KIAA1549L: variants seen among roughly 807,000 people sequenced by gnomAD.
KIAA1549L encodes UPF0606 protein KIAA1549L.
Under a neutral mutation model 160.7 loss-of-function variants are expected in KIAA1549L, and 88 were observed. That is an observed-to-expected ratio of 0.55 (90% CI 0.46 to 0.65). The LOEUF is 0.65. Among genes scored for constraint, KIAA1549L ranks in the 30% least tolerant of loss-of-function variants. The pLI, the probability that KIAA1549L is intolerant of heterozygous loss-of-function variation, is 0.00. For missense variants in KIAA1549L, 2,258 were observed against 2,437.5 expected, an observed-to-expected ratio of 0.93 and a Z score of 1.55; for synonymous variants, 950 against 976.7, an observed-to-expected ratio of 0.97 and a Z score of 0.51.
At chr11:33,665,917 G>A (rs1852433450) in intron 20 of KIAA1549L, among the ~76,000 whole-genome samples, 1 of 152,128 alleles carries the variant, frequency 6.6e-6, no homozygotes, top group Non-Finnish European at 1.5e-5. Flanking sequence ...CCAGTCTTGT[G>A]CCTGGGAGGG....
chr11:33,399,591 T>C (rs1269700702), intron 1 of KIAA1549L, among the ~76,000 whole-genome samples: 1 of 152,198 alleles, frequency 6.6e-6, no homozygotes. Flanking sequence ...TGGTGGAATG[T>C]CATCCAAAGG....
At chr11:33,568,040 C>A in intron 8 of KIAA1549L, 36 bp from the exon 9 acceptor site, 1 of 1,551,892 alleles carries the variant, frequency 6.4e-7, no homozygotes, top group Non-Finnish European at 8.7e-7. Context: ...AGAAAGTCTG[C>A]CTTCTGAGCC....
At chr11:33,572,281 C>A (rs184234155) in intron 9 of KIAA1549L, among the ~76,000 whole-genome samples, 4 of 152,252 alleles carry the variant, frequency 2.6e-5, no homozygotes, top group Admixed American at 2.6e-4. Context: ...AAGTGATCTA[C>A]CCACCTTGGC....
At chr11:33,410,879 C>T (rs368865667) in intron 1 of KIAA1549L, among the ~76,000 whole-genome samples, 5 of 152,252 alleles carry the variant, frequency 3.3e-5, no homozygotes, top group African/African-American at 1.2e-4. Context: ...ATTTGGAAGC[C>T]AGGAGGAAGA....
At chr11:33,502,539 G>C (rs1194048847) in intron 1 of KIAA1549L, among the ~76,000 whole-genome samples, 1 of 152,170 alleles carries the variant, frequency 6.6e-6, no homozygotes, top group Non-Finnish European at 1.5e-5. Context: ...ATTTGTCCTG[G>C]AGTTTCAGTG....
At chr11:33,637,630 T>C (rs1248903087) in intron 16 of KIAA1549L, among the ~76,000 whole-genome samples, 3 of 152,214 alleles carry the variant, frequency 2.0e-5, no homozygotes, top group African/African-American at 4.8e-5. Context: ...AAAGTGTTGG[T>C]AGGATTGGTT....
intron 17 of KIAA1549L, among the ~76,000 whole-genome samples, chr11:33,649,216 A>G (rs2133413807): frequency 6.6e-6 from 1 of 152,178 alleles, no homozygotes; most frequent in Middle Eastern, 3.4e-3. Context: ...ATCTTCTTAT[A>G]AGGAAGCTTA....
At chr11:33,554,862 C>G (rs550192451) in intron 6 of KIAA1549L, among the ~76,000 whole-genome samples, 1 of 152,276 alleles carries the variant, frequency 6.6e-6, no homozygotes, top group East Asian at 1.9e-4. Context: ...CTTTCTGTTC[C>G]ATCAGCCTAT....
intron 1 of KIAA1549L, among the ~76,000 whole-genome samples, chr11:33,477,631 A>G (rs112390653): frequency 0.029 from 4,455 of 152,012 alleles, 124 homozygotes; most frequent in South Asian, 0.09. Flanking sequence ...TTTGGGAATC[A>G]CTGGGTGCTG....
At chr11:33,565,440 C>T (rs1372323418) in intron 8 of KIAA1549L, among the ~76,000 whole-genome samples, 1 of 152,160 alleles carries the variant, frequency 6.6e-6, no homozygotes, top group Non-Finnish European at 1.5e-5. Context: ...AACAGTGACA[C>T]GATCAGTAGT....
At chr11:33,650,401 A>G (rs1263602840) in intron 17 of KIAA1549L, among the ~76,000 whole-genome samples, 2 of 152,176 alleles carry the variant, frequency 1.3e-5, no homozygotes, top group Non-Finnish European at 2.9e-5. Flanking sequence ...GGGCAAGAAA[A>G]GTAACTTTAT....
intron 1 of KIAA1549L, among the ~76,000 whole-genome samples, chr11:33,460,326 A>T (rs959101632): frequency 1.3e-5 from 2 of 152,170 alleles, no homozygotes; most frequent in African/African-American, 4.8e-5. Flanking sequence ...GTGGGTGAGC[A>T]TACACATCCC....
intron 1 of KIAA1549L, among the ~76,000 whole-genome samples, chr11:33,422,608 C>T (rs1405045812): frequency 2.8e-5 from 4 of 143,970 alleles, no homozygotes; most frequent in African/African-American, 1.0e-4. Context: ...TTCCTTCTTC[C>T]TTTCTTCTTA....
chr11:33,487,397 T>C (rs58818146), intron 1 of KIAA1549L, among the ~76,000 whole-genome samples: 2,595 of 148,962 alleles, frequency 0.017, 70 homozygotes, highest in African/African-American at 0.058. Context: ...CCATGGTCTA[T>C]TGTTCTTTTT....
At chr11:33,648,659 A>G (rs1164125387) in intron 17 of KIAA1549L, among the ~76,000 whole-genome samples, 1 of 138,138 alleles carries the variant, frequency 7.2e-6, no homozygotes, top group Non-Finnish European at 1.6e-5. Context: ...ACTGCAGTTC[A>G]GGAGACTCTT....
chr11:33,429,787 C>T (rs1851193720), intron 1 of KIAA1549L, among the ~76,000 whole-genome samples: 1 of 152,154 alleles, frequency 6.6e-6, no homozygotes. Flanking sequence ...CTCCACCCGG[C>T]TCTGCCTTCA....
At chr11:33,558,498 A>T (rs1285264122) in intron 6 of KIAA1549L, among the ~76,000 whole-genome samples, 1 of 152,162 alleles carries the variant, frequency 6.6e-6, no homozygotes, top group Non-Finnish European at 1.5e-5. Context: ...ATCTGCCTCC[A>T]GGGGCACCGG....
intron 5 of KIAA1549L, 112 bp downstream of exon 5, chr11:33,551,371 C>A: frequency 1.1e-6 from 1 of 875,192 alleles, no homozygotes. Flanking sequence ...TTTTTAGTCC[C>A]TGTGAACCTT....
intron 1 of KIAA1549L, among the ~76,000 whole-genome samples, chr11:33,511,009 C>T (rs2133105828): frequency 6.6e-6 from 1 of 152,226 alleles, no homozygotes; most frequent in East Asian, 1.9e-4. Flanking sequence ...TACATTCTTT[C>T]CAAGTGTGCC....
Sources: gnomAD v4.1 joint callset for allele counts (sites outside exome capture counted in the v4.1 genomes callset) on GRCh38, gnomAD v4.1.1 for gene constraint, MANE v1.5 for transcripts, NCBI Gene and HGNC (gene_info 2026-07-23, HGNC 2026-07-21) for gene names.